Variants in LRP12 observed in about 807,000 individuals in gnomAD.
The protein encoded by LRP12 is low-density lipoprotein receptor-related protein 12.
Under a neutral mutation model 66.0 loss-of-function variants are expected in LRP12, and 14 were observed. That is an observed-to-expected ratio of 0.21 (90% CI 0.14 to 0.33). The LOEUF is 0.33. LRP12 is among the 10% of genes least tolerant of loss of function. The pLI is 1.00. For synonymous variants in LRP12, 357 were observed against 359.1 expected, an observed-to-expected ratio of 0.99 and a Z score of 0.07; for missense variants, 889 against 1,053.4, an observed-to-expected ratio of 0.84 and a Z score of 2.16.
chr8:104,583,938 C>A (rs2140902683), intron 1 of LRP12, among the ~76,000 whole-genome samples: 1 of 152,182 alleles, frequency 6.6e-6, no homozygotes, highest in East Asian at 1.9e-4. Context: ...TCCTTCCCTT[C>A]TATAACTTAG....
intron 2 of LRP12, among the ~76,000 whole-genome samples, chr8:104,520,077 A>G (rs111765557): frequency 6.0e-4 from 91 of 152,106 alleles, no homozygotes; most frequent in African/African-American, 2.1e-3. Context: ...AACGGGTCAT[A>G]GCACAGTATG....
In LRP12 at chr8:104,505,566, C is replaced by G. The variant is rs761037949; in HGVS notation, c.272+3373G>C. The G allele has an allele frequency of 2.0e-5, 3 of 151,992 alleles. No homozygotes were observed. The South Asian group carries it at 6.2e-4, about 32-fold the overall frequency. The allele number at this position is 151,992 out of a possible 1,614,324, so 9.4% of individuals were successfully genotyped here. On this transcript the variant is annotated intron_variant, in intron 3 of 6. Transcript: ENST00000276654. The stretch of plus-strand genomic sequence containing the variant: ...TATAGGCGCGTGCCACCATGCCCAG[C>G]TAATTTTTGTATTTTTAGTAGAGAT...
rs1376309614 is a variant in LRP12, at chr8:104,526,561, G to C, written c.136+5346C>G. Among the ~76,000 whole-genome samples the C allele has an allele frequency of 2.0e-4, 29 of 145,402 alleles. 1 individual carries two copies. The East Asian group carries it at 5.5e-3, about 28-fold the overall frequency. On this transcript the variant is annotated intron_variant, in intron 2 of 6. Transcript: ENST00000276654. ...CAACTATCTGATCTTTGACAAACCT[G>C]AGAAAAACAAGCAATGGGGAAAGGA...
intron 1 of LRP12, among the ~76,000 whole-genome samples, chr8:104,561,861 T>C (rs1460916870): frequency 6.6e-6 from 1 of 152,142 alleles, no homozygotes; most frequent in Admixed American, 6.5e-5. Context: ...AGAACATCCC[T>C]GGTTTCGCTT....
In LRP12 at chr8:104,506,903, A is replaced by G. The variant is rs1197039932; in HGVS notation, c.272+2036T>C. On this transcript the variant is annotated intron_variant, in intron 3 of 6. Coordinates refer to ENST00000276654, the MANE Select transcript of LRP12 (RefSeq NM_013437.5). ...TCTTCTATCCAGATTTTAAAAAATC[A>G]TGTTTCTAATTCCATTTTACTAAGA... 3.3e-5 allele frequency: 5 copies of G among 152,196 alleles called. No individual in the cohort carries two copies. In the East Asian group the frequency reaches 7.7e-4, roughly 23 times the overall value. 9.4% of individuals were successfully genotyped at this position (152,196 alleles called of 1,614,324 possible). A position where few individuals can be genotyped will look rare whatever the true frequency, so the allele number is the denominator to read the frequency against.
rs769385025 is a variant in LRP12 at position 104,531,902 on chromosome 8, C to G, written c.136+5G>C. Reference sequence around the variant, plus strand: ...GAAATTTAAACATTACAAAAAATGACTTACCAGTTGACACTCCTGAAATAT... The same window carrying G: ...GAAATTTAAACATTACAAAAAATGAGTTACCAGTTGACACTCCTGAAATAT... On this transcript the variant is annotated splice_donor_5th_base_variant and intron_variant, in intron 2 of 6. Transcript: ENST00000276654. 6.3e-7 allele frequency: 1 copy of G among 1,577,016 alleles called. No individual in the cohort carries two copies. Among genetic ancestry groups the G allele is most frequent in the South Asian group, 1.2e-5 (1 of 85,184 alleles).
chr8:104,531,930 A>G lies in LRP12; in HGVS notation c.113T>C (p.Val38Ala). 1 of 1,592,896 alleles carries G rather than the reference A, an allele frequency of 6.3e-7. No homozygotes were observed. The highest frequency in any genetic ancestry group is 2.3e-5 in the East Asian group (1 of 44,074). Residue 38 changes from valine to alanine, a missense_variant, in exon 2 of 7, where the codon GTG (valine) becomes GCG (alanine). Transcript: ENST00000276654. ...NGALAEHSEN[V>A]HISGVSTACG... ...ACCAGTTGACACTCCTGAAATATGC[A>G]CATTTTCAGAATGTTCTGCAAGAGC...
chr8:104,544,409 G>C (rs536011222), intron 1 of LRP12, among the ~76,000 whole-genome samples: 1 of 152,262 alleles, frequency 6.6e-6, no homozygotes, highest in East Asian at 1.9e-4. Flanking sequence ...GTGGCTACAC[G>C]AGGCAACAGA....
In LRP12 at chr8:104,491,408, A is replaced by C; in HGVS notation, c.1845T>G (p.Ser615=). Residue 615 remains serine (S), a synonymous_variant, in exon 7 of 7, where the codon TCT becomes TCG. Transcript: ENST00000276654. ...RIFNFARSRH[S]GSLALVSADG... ...CTGCTGAGACCAAAGCCAATGACCCAGAATGACGTGATCTTGCAAAATTAA... is the reference window on the plus strand; with the variant it reads ...CTGCTGAGACCAAAGCCAATGACCCCGAATGACGTGATCTTGCAAAATTAA... 6.2e-7 allele frequency: 1 copy of C among 1,614,160 alleles called. No homozygotes were observed. Among genetic ancestry groups the C allele is most frequent in the Non-Finnish European group, 8.5e-7 (1 of 1,180,026 alleles).
At chr8:104,504,591 G>T (rs763136714) in intron 3 of LRP12, 5 of 151,982 alleles carry the variant, frequency 3.3e-5, no homozygotes, top group African/African-American at 4.8e-5. Flanking sequence ...AAACATACAG[G>T]TTTATTTTTT....
intron 2 of LRP12, among the ~76,000 whole-genome samples, chr8:104,521,519 A>G (rs1357749941): frequency 4.6e-5 from 7 of 151,528 alleles, no homozygotes; most frequent in Non-Finnish European, 1.0e-4. Flanking sequence ...ACTTAAAGGG[A>G]GTTCGCTACT....
chr8:104,509,007 A>C lies in LRP12; in HGVS notation c.204T>G (p.Ser68=), dbSNP rs1338675183. The change falls in exon 3 of 7, where the codon TCT becomes TCG. Residue 68 remains serine, a synonymous_variant. Coordinates refer to ENST00000276654, the MANE Select transcript of LRP12 (RefSeq NM_013437.5). ...SGIITSPGWP[S]EYPAKINCSW... ...TACAGTTGATTTTTGCAGGATATTCAGAAGGCCAGCCTGGGCTTGTGATTA... is the reference window on the plus strand; with the variant it reads ...TACAGTTGATTTTTGCAGGATATTCCGAAGGCCAGCCTGGGCTTGTGATTA... 6.2e-7 allele frequency: 1 copy of C among 1,613,918 alleles called. No homozygotes were observed. Among genetic ancestry groups the C allele is most frequent in the Middle Eastern group, 1.7e-4 (1 of 6,058 alleles).
chr8:104,525,901 T>C (rs1290410996), intron 2 of LRP12, among the ~76,000 whole-genome samples: 1 of 152,170 alleles, frequency 6.6e-6, no homozygotes, highest in African/African-American at 2.4e-5. Flanking sequence ...TGTCCCTGTT[T>C]GCAGACGACA....
chr8:104,521,287 T>G (rs1362514370), intron 2 of LRP12, among the ~76,000 whole-genome samples: 1 of 151,896 alleles, frequency 6.6e-6, no homozygotes, highest in Non-Finnish European at 1.5e-5. Flanking sequence ...TTTTGATTTT[T>G]GGATTTTCAG....
chr8:104,546,197 G>A (rs926449251), intron 1 of LRP12, among the ~76,000 whole-genome samples: 1 of 152,006 alleles, frequency 6.6e-6, no homozygotes, highest in Non-Finnish European at 1.5e-5. Flanking sequence ...AACAGTTGAT[G>A]TAACTGGAGT....
At chr8:104,567,397 C>A (rs150432295) in intron 1 of LRP12, among the ~76,000 whole-genome samples, 8 of 152,150 alleles carry the variant, frequency 5.3e-5, no homozygotes, top group Admixed American at 4.6e-4. Context: ...CTCACTATCA[C>A]GAGAATAGCA....
At chr8:104,496,596 A>G (rs886700095) in intron 5 of LRP12, among the ~76,000 whole-genome samples, 1 of 152,046 alleles carries the variant, frequency 6.6e-6, no homozygotes, top group African/African-American at 2.4e-5. Flanking sequence ...TGCCTTATTC[A>G]TTTTTCTATT....
At chr8:104,567,645 G>A (rs1812025887) in intron 1 of LRP12, among the ~76,000 whole-genome samples, 1 of 152,042 alleles carries the variant, frequency 6.6e-6, no homozygotes, top group Non-Finnish European at 1.5e-5. Flanking sequence ...CAAGTCATAG[G>A]ATACAAGAAA....
At chr8:104,543,848 C>A (rs772209986) in intron 1 of LRP12, among the ~76,000 whole-genome samples, 3 of 151,906 alleles carry the variant, frequency 2.0e-5, no homozygotes, top group Admixed American at 2.0e-4. Context: ...CCTGAACCTG[C>A]GAGGCGGAGG....
Sources: gnomAD v4.1 joint callset for allele counts (sites outside exome capture counted in the v4.1 genomes callset) on GRCh38, gnomAD v4.1.1 for gene constraint, MANE v1.5 for transcripts, NCBI Gene and HGNC (gene_info 2026-07-23, HGNC 2026-07-21) for gene names.